ZNRF2: variants seen among roughly 807,000 people sequenced by gnomAD.
The protein encoded by ZNRF2 is zinc and ring finger 2.
In ZNRF2, 16 loss-of-function variants were observed where a neutral mutation model predicts 20.4. The ratio of observed to expected loss-of-function variants is 0.79; its 90% confidence interval spans 0.53 to 1.19. The LOEUF (loss-of-function observed/expected upper bound fraction) is 1.19, where lower values mean the gene tolerates loss of function less well. Ranked by LOEUF, ZNRF2 falls within the 50% of genes most tolerant of loss-of-function variation. The pLI, the probability that ZNRF2 is intolerant of heterozygous loss-of-function variation, is 0.00. For missense variants in ZNRF2, 363 were observed against 332.4 expected (o/e 1.09, Z -0.72); for synonymous variants, 178 against 144.9 (o/e 1.23, Z -1.64).
At chr7:30,329,112 A>C (rs1054710507) in intron 2 of ZNRF2, among the ~76,000 whole-genome samples, 1 of 152,182 alleles carries the variant, frequency 6.6e-6, no homozygotes, top group Admixed American at 6.5e-5. Flanking sequence ...ACAAGCCAAC[A>C]AATTAAATAT....
At chr7:30,299,946 A>AT (rs1027550793) in intron 1 of ZNRF2, among the ~76,000 whole-genome samples, 1 of 150,956 alleles carries the variant, frequency 6.6e-6, no homozygotes, top group African/African-American at 2.4e-5. Flanking sequence ...CACCCGGCTA[A>AT]TTTTTTGTGT....
intron 1 of ZNRF2, among the ~76,000 whole-genome samples, chr7:30,301,721 A>C (rs545681670): frequency 8.4e-4 from 127 of 151,580 alleles, no homozygotes; most frequent in Admixed American, 6.4e-3. Context: ...AAAAAAAAAA[A>C]AACTTATCTT....
At chr7:30,299,088 G>GT (rs931929685) in intron 1 of ZNRF2, among the ~76,000 whole-genome samples, 4 of 151,270 alleles carry the variant, frequency 2.6e-5, no homozygotes, top group African/African-American at 4.9e-5. Flanking sequence ...TCTTTACTTA[G>GT]TTTTTTTTTA....
At chr7:30,362,181 A>G (rs1158967672) in intron 3 of ZNRF2, among the ~76,000 whole-genome samples, 196 bp from the exon 4 acceptor site, 2 of 152,186 alleles carry the variant, frequency 1.3e-5, no homozygotes, top group Admixed American at 6.5e-5. Flanking sequence ...TAATTTTGCA[A>G]AGGTTTTTTT....
chr7:30,309,260 C>T (rs921128128), intron 1 of ZNRF2, among the ~76,000 whole-genome samples: 3 of 152,068 alleles, frequency 2.0e-5, no homozygotes, highest in African/African-American at 7.2e-5. Flanking sequence ...TGTATTTAGT[C>T]AAATAGTTAT....
chr7:30,285,718 C>T lies in ZNRF2; in HGVS notation c.361C>T (p.Pro121Ser), dbSNP rs1170740940. ...CTCGCAGGACTCGGTGCACAGCAGC[C>T]CTGAGGACGGCGGCGGCGGCCGGGA... The part of the protein sequence containing the change: ...YGSQDSVHSS[P>S]EDGGGGRDRP... Residue 121 changes from proline (P) to serine (S), a missense_variant, in exon 1 of 5, where the codon CCT (proline) becomes TCT (serine). This residue lies in a region of ZNRF2 where 302 missense variants were observed against 231.5 expected (regional missense o/e 1.30). Transcript: ENST00000323037. 4 of 1,481,032 alleles carry T rather than the reference C, an allele frequency of 2.7e-6. No individual in the cohort carries two copies. The highest frequency in any genetic ancestry group is 2.6e-5 in the South Asian group (2 of 76,738). 91.7% of individuals were successfully genotyped at this position (1,481,032 alleles called of 1,614,324 possible).
intron 1 of ZNRF2, among the ~76,000 whole-genome samples, chr7:30,320,725 T>C (rs970481131): frequency 3.3e-5 from 5 of 152,244 alleles, no homozygotes; most frequent in Non-Finnish European, 5.9e-5. Flanking sequence ...ATTTTCAATT[T>C]ACCATCCTAA....
Position 30,285,609 on chromosome 7 carries a change from C to A in ZNRF2, c.252C>A (p.Gly84=). 1 of 1,183,858 alleles carries A rather than the reference C, an allele frequency of 8.4e-7. No individual in the cohort carries two copies. The highest frequency in any genetic ancestry group is 1.0e-6 in the Non-Finnish European group (1 of 958,144). The allele number at this position is 1,183,858 out of a possible 1,614,324, so 73.3% of individuals were successfully genotyped here. The change falls in exon 1 of 5, where the codon GGC becomes GGA. Residue 84 remains glycine, a synonymous_variant. Coordinates refer to ENST00000323037, the MANE Select transcript of ZNRF2 (RefSeq NM_147128.4). ...APAAPRSRSL[G]GAVGSVASGA... ...CGGCCCCGCGCAGCCGCTCCCTCGG[C>A]GGGGCCGTGGGGAGCGTGGCGTCGG...
intron 2 of ZNRF2, among the ~76,000 whole-genome samples, chr7:30,335,653 C>T (rs1016297123): frequency 2.0e-5 from 3 of 151,804 alleles, no homozygotes; most frequent in African/African-American, 4.8e-5. Flanking sequence ...AGGGAGGCCA[C>T]GTTTAGAGAT....
At position 30,307,326 on chromosome 7, in the gene ZNRF2, G is replaced by GTTTTTTTTTTTTT. The variant is rs78007797; in HGVS notation, c.470-16304_470-16292dup. 3.5e-3 allele frequency among the ~76,000 whole-genome samples: 153 copies of GTTTTTTTTTTTTT among 43,192 alleles called. 1 individual carries two copies. The highest frequency in any genetic ancestry group is 5.5e-3 in the Non-Finnish European group (115 of 20,942). 28.3% of individuals were successfully genotyped at this position (43,192 alleles called of 152,430 possible). ...TGTCTTCTTTCTGCTGTTTTTTTTTGTTTTTTTTTTTTTTTTTTTTTTTTG... is the reference window on the plus strand; with the variant it reads ...TGTCTTCTTTCTGCTGTTTTTTTTTGTTTTTTTTTTTTTTTTTTTTTTTTTTTTTTTTTTTTTG... On this transcript the variant is annotated intron_variant, in intron 1 of 4. Transcript: ENST00000323037.
intron 1 of ZNRF2, among the ~76,000 whole-genome samples, chr7:30,320,646 A>G (rs368184691): frequency 6.8e-4 from 104 of 152,288 alleles, no homozygotes; most frequent in Middle Eastern, 3.4e-3. Context: ...GGTTCTGAGC[A>G]CATTTAAGGT....
intron 1 of ZNRF2, among the ~76,000 whole-genome samples, chr7:30,316,922 A>G (rs1215947148): frequency 6.6e-6 from 1 of 151,946 alleles, no homozygotes; most frequent in African/African-American, 2.4e-5. Context: ...TTCAGTTTAG[A>G]CTCCAGGCCT....
chr7:30,306,242 T>C (rs1167258274), intron 1 of ZNRF2, among the ~76,000 whole-genome samples: 2 of 152,146 alleles, frequency 1.3e-5, no homozygotes, highest in Non-Finnish European at 2.9e-5. Context: ...TAGTAGTAAG[T>C]AAAGCATTAC....
chr7:30,314,538 GTTGA>G (rs139161854), intron 1 of ZNRF2, among the ~76,000 whole-genome samples: 1,554 of 152,038 alleles, frequency 0.01, 31 homozygotes, highest in African/African-American at 0.036. Flanking sequence ...TGGACAGAAA[GTTGA>G]TTGATGGGCT....
In ZNRF2 at chr7:30,285,516, G is replaced by T; in HGVS notation, c.159G>T (p.Val53=). The T allele has an allele frequency of 2.0e-6, 2 of 1,024,260 alleles. No individual in the cohort carries two copies. Among genetic ancestry groups the T allele is most frequent in the Non-Finnish European group, 2.3e-6 (2 of 858,466 alleles). 63.4% of individuals were successfully genotyped at this position (1,024,260 alleles called of 1,614,324 possible). A position where few individuals can be genotyped will look rare whatever the true frequency, so the allele number is the denominator to read the frequency against. ...CCGCGGGGAGGTTCCCGGCTCAGGT[G>T]CCCAGCGCGCACCAGCCCAGCGCCT... ...AAAAGRFPAQ[V]PSAHQPSASG... is the part of the protein sequence containing the mutation. The change falls in exon 1 of 5, where the codon GTG becomes GTT. Residue 53 remains valine (V), a synonymous_variant. Transcript: ENST00000323037.
intron 1 of ZNRF2, among the ~76,000 whole-genome samples, chr7:30,290,370 G>T (rs994032854): frequency 5.9e-5 from 9 of 152,182 alleles, no homozygotes; most frequent in Non-Finnish European, 1.2e-4. Flanking sequence ...TCAAGAGGCT[G>T]GGCACAACTT....
At chr7:30,327,800 C>A (rs748457201) in intron 2 of ZNRF2, among the ~76,000 whole-genome samples, 1 of 152,036 alleles carries the variant, frequency 6.6e-6, no homozygotes, top group African/African-American at 2.4e-5. Context: ...CTCCTGGGCA[C>A]AAGTGATCCT....
intron 1 of ZNRF2, among the ~76,000 whole-genome samples, chr7:30,299,419 CAAA>C (rs756818976): frequency 4.2e-5 from 5 of 117,874 alleles, no homozygotes; most frequent in Non-Finnish European, 7.4e-5. Context: ...AACTATGTCT[CAAA>C]AAAAAAAAAA....
intron 2 of ZNRF2, among the ~76,000 whole-genome samples, chr7:30,326,921 A>C (rs11984054): frequency 0.028 from 4,289 of 152,080 alleles, 224 homozygotes; most frequent in African/African-American, 0.098. Flanking sequence ...ATTCTTGGCC[A>C]CATTTATGTC....
Sources: allele counts gnomAD v4.1 joint callset (sites outside exome capture counted in the v4.1 genomes callset), GRCh38; gene constraint gnomAD v4.1.1; regional missense constraint gnomAD v4.1.1; transcripts MANE v1.5; gene names NCBI Gene and HGNC (gene_info 2026-07-23, HGNC 2026-07-21).